Variants in EXOSC4 observed in about 807,000 individuals in gnomAD.
The protein encoded by EXOSC4 is exosome component 4, also known as exosome complex component RRP41.
EXOSC4 carries 14 observed loss-of-function variants against 20.0 expected under a neutral mutation model. That is an observed-to-expected ratio of 0.70 (90% confidence interval 0.46 to 1.09). The LOEUF is 1.09. EXOSC4 is among the 50% of genes least tolerant of loss of function. The pLI is 0.00. For missense variants in EXOSC4, 337 were observed against 334.0 expected (o/e 1.01, Z -0.07); for synonymous variants, 148 against 146.4 (o/e 1.01, Z -0.08).
chr8:144,070,678 A>G, the EXOSC4 span, among the ~76,000 whole-genome samples: 1 of 150,264 alleles, frequency 6.7e-6, no homozygotes, highest in Non-Finnish European at 1.5e-5. Context: ...AATACAAAAC[A>G]TTAGCCGGGC....
upstream of EXOSC4, among the ~76,000 whole-genome samples, chr8:144,076,595 T>C (rs1242313329): frequency 6.6e-6 from 1 of 152,138 alleles, no homozygotes; most frequent in Non-Finnish European, 1.5e-5. Context: ...GATGAATACT[T>C]CCACCAGGGA....
Position 144,078,847 on chromosome 8 carries a change from A to T in EXOSC4, c.119A>T (p.Tyr40Phe). 1 of 1,577,220 alleles carries T rather than the reference A, an allele frequency of 6.3e-7. No individual in the cohort carries two copies. The highest frequency in any genetic ancestry group is 8.6e-7 in the Non-Finnish European group (1 of 1,164,254). The change falls in exon 1 of 3, where the codon TAC (tyrosine) becomes TTC (phenylalanine). Residue 40 changes from tyrosine to phenylalanine, a missense_variant. Coordinates refer to ENST00000316052, the MANE Select transcript of EXOSC4 (RefSeq NM_019037.3). This position sits in a 1 kb window ranked among gnomAD's most constrained non-coding sequence, Gnocchi z 4.7. ...GVFAQADGSA[Y>F]IEQGNTKALA... ...TTCGCGCAGGCTGACGGCTCGGCCT[A>T]CATTGAGCAGGGCAACACCAAGGCA... is the stretch of plus-strand genomic sequence containing the variant.
chr8:144,068,945 C>T, the EXOSC4 span, among the ~76,000 whole-genome samples: 8,114 of 152,310 alleles, frequency 0.053, 771 homozygotes, highest in African/African-American at 0.18. Context: ...CCCAGTGAGA[C>T]GCGGTGGCAG....
At chr8:144,065,812 CTT>C in the EXOSC4 span, among the ~76,000 whole-genome samples, 31 of 141,040 alleles carry the variant, frequency 2.2e-4, no homozygotes, top group African/African-American at 3.9e-4. Context: ...ATTTTATTTA[CTT>C]TTTTTTTTTT....
At chr8:144,067,871 T>A in the EXOSC4 span, among the ~76,000 whole-genome samples, 1 of 152,202 alleles carries the variant, frequency 6.6e-6, no homozygotes, top group Non-Finnish European at 1.5e-5. Flanking sequence ...CCGGGCATGG[T>A]GGCAGATGCC....
chr8:144,069,179 C>A, the EXOSC4 span, among the ~76,000 whole-genome samples: 1 of 152,232 alleles, frequency 6.6e-6, no homozygotes, highest in Admixed American at 6.5e-5. Context: ...ACTGCATCCA[C>A]CCCTGGGAGT....
Position 144,080,611 on chromosome 8 carries a change from C to A in EXOSC4, c.*10C>A. The A allele has an allele frequency of 6.3e-7, 1 of 1,593,756 alleles. No individual in the cohort carries two copies. The highest frequency in any genetic ancestry group is 8.5e-7 in the Non-Finnish European group (1 of 1,176,942). On this transcript the variant is annotated 3_prime_UTR_variant, in exon 3 of 3. Transcript: ENST00000316052. This position sits in a 1 kb window ranked among gnomAD's most constrained non-coding sequence, Gnocchi z 4.9. ...CTTGCTGGGGGACTGACCACCCAGCCACCCATGTCCAGAATAAAACCCTCC... is the reference window on the plus strand; with the variant it reads ...CTTGCTGGGGGACTGACCACCCAGCAACCCATGTCCAGAATAAAACCCTCC...
Position 144,078,825 on chromosome 8 carries a change from G to C in EXOSC4, c.97G>C (p.Ala33Pro). 1 of 1,582,114 alleles carries C rather than the reference G, an allele frequency of 6.3e-7. No homozygotes were observed. Among genetic ancestry groups the C allele is most frequent in the Non-Finnish European group, 8.6e-7 (1 of 1,166,776 alleles). ...GATCCAGGCGCGGATGGGCGTGTTC[G>C]CGCAGGCTGACGGCTCGGCCTACAT... ...RKIQARMGVF[A>P]QADGSAYIEQ... is the part of the protein sequence containing the mutation. Residue 33 changes from alanine (A) to proline (P), a missense_variant, in exon 1 of 3, where the codon GCG (alanine) becomes CCG (proline). Coordinates refer to ENST00000316052, the MANE Select transcript of EXOSC4 (RefSeq NM_019037.3). The surrounding 1 kb of genome is among the most constrained non-coding windows in gnomAD (Gnocchi z 4.7).
upstream of EXOSC4, among the ~76,000 whole-genome samples, chr8:144,074,187 C>T (rs1835816170): frequency 6.6e-6 from 1 of 152,184 alleles, no homozygotes; most frequent in South Asian, 2.1e-4. Flanking sequence ...GTAAAATTTG[C>T]AAAAGTGAAA....
chr8:144,076,903 TA>T (rs201187213), upstream of EXOSC4, among the ~76,000 whole-genome samples: 8,142 of 151,928 alleles, frequency 0.054, 769 homozygotes, highest in African/African-American at 0.19. Flanking sequence ...CCATCTCTAC[TA>T]AAACTACAAA....
At chr8:144,075,955 T>C (rs1357327286), upstream of EXOSC4, among the ~76,000 whole-genome samples, 1 of 152,254 alleles carries the variant, frequency 6.6e-6, no homozygotes, top group Non-Finnish European at 1.5e-5. Flanking sequence ...TGAGAAGCTC[T>C]TCTTCACAGG....
chr8:144,080,387 A>G lies in EXOSC4; in HGVS notation c.524A>G (p.His175Arg), dbSNP rs1835888162. The G allele has an allele frequency of 6.2e-7, 1 of 1,612,082 alleles. No individual in the cohort carries two copies. The highest frequency in any genetic ancestry group is 8.5e-7 in the Non-Finnish European group (1 of 1,179,998). The change falls in exon 3 of 3, where the codon CAT (histidine) becomes CGT (arginine). Residue 175 changes from histidine to arginine, a missense_variant. His to Arg is a conservative substitution (Grantham distance 29, BLOSUM62 0). Transcript: ENST00000316052. The surrounding 1 kb of genome is among the most constrained non-coding windows in gnomAD (Gnocchi z 4.9). ...GGCACAGCCCTGGCGGACCTCAGCC[A>G]TGTGGAGGAAGCAGCTGGTGGCCCC... ...VDGTALADLS[H>R]VEEAAGGPQL...
chr8:144,079,218 C>A, intron 1 of EXOSC4: 1 of 287,680 alleles, frequency 3.5e-6, no homozygotes. Context: ...TTATTATCCA[C>A]GCGGTACTTC....
the EXOSC4 span, among the ~76,000 whole-genome samples, chr8:144,066,299 G>A: frequency 3.3e-5 from 5 of 151,456 alleles, no homozygotes; most frequent in South Asian, 2.1e-4. Flanking sequence ...GATTACAGGC[G>A]TGAGCCACTG....
chr8:144,073,303 C>T, the EXOSC4 span, among the ~76,000 whole-genome samples: 108 of 152,056 alleles, frequency 7.1e-4, no homozygotes, highest in African/African-American at 2.2e-3. Flanking sequence ...GGAGACTCGC[C>T]TGAACCCAGG....
At chr8:144,075,515 C>T (rs1488965079), upstream of EXOSC4, among the ~76,000 whole-genome samples, 6 of 152,054 alleles carry the variant, frequency 3.9e-5, no homozygotes, top group Middle Eastern at 3.2e-3. Flanking sequence ...CGTGAGCCAC[C>T]GCGCCCGGCC....
At chr8:144,066,187 T>C in the EXOSC4 span, among the ~76,000 whole-genome samples, 2 of 149,862 alleles carry the variant, frequency 1.3e-5, no homozygotes, top group African/African-American at 4.9e-5. Context: ...TGGCTGATTT[T>C]TTTTTGTATT....
In EXOSC4 at chr8:144,079,733, G is replaced by C. The variant is rs1341972160; in HGVS notation, c.172-210G>C. On this transcript the variant is annotated intron_variant, in intron 1 of 2. Transcript: ENST00000316052. ...TGTAAACTTGGGTTGGCAGGGAATG[G>C]GGCAAGGATGGACACAAGGAAGCCA... 11 of 700,192 alleles carry C rather than the reference G, an allele frequency of 1.6e-5. No individual in the cohort carries two copies. The East Asian group carries it at 3.0e-4, about 19-fold the overall frequency. The allele number at this position is 700,192 out of a possible 1,614,324, so 43.4% of individuals were successfully genotyped here.
At chr8:144,073,945 G>C (rs1835813306), upstream of EXOSC4, among the ~76,000 whole-genome samples, 1 of 152,128 alleles carries the variant, frequency 6.6e-6, no homozygotes, top group African/African-American at 2.4e-5. Context: ...ACCCTTGTCA[G>C]CCCAACGGAA....
Sources: gnomAD v4.1 joint callset for allele counts (sites outside exome capture counted in the v4.1 genomes callset) on GRCh38, gnomAD v4.1.1 for gene constraint, Gnocchi (gnomAD v3.1) non-coding constraint, MANE v1.5 for transcripts, NCBI Gene and HGNC (gene_info 2026-07-23, HGNC 2026-07-21) for gene names.